PDE9A: variants seen among roughly 807,000 people sequenced by gnomAD.
PDE9A encodes high affinity cGMP-specific 3',5'-cyclic phosphodiesterase 9A.
In PDE9A, 60 loss-of-function variants were observed where a neutral mutation model predicts 87.4. The ratio of observed to expected loss-of-function variants is 0.69; its 90% confidence interval spans 0.56 to 0.85. PDE9A has a LOEUF of 0.85. Ranked by LOEUF, PDE9A falls within the 40% of genes least tolerant of loss-of-function variation. The probability of loss-of-function intolerance (pLI) is 0.00; values close to 1 mark genes in which losing one functional copy is unlikely to be tolerated. For synonymous variants in PDE9A, 272 were observed against 279.4 expected, an observed-to-expected ratio of 0.97 and a Z score of 0.27; for missense variants, 665 against 779.0, an observed-to-expected ratio of 0.85 and a Z score of 1.74.
chr21:42,765,605 A>G lies in PDE9A; in HGVS notation c.1356+111A>G, dbSNP rs1367901948. ...AAGCTGAAATTATTAGTCTTCTTGG[A>G]ACAAGGTGTCTATAAATCTGGTTTT... On this transcript the variant is annotated intron_variant, in intron 15 of 19. Coordinates refer to ENST00000291539, the MANE Select transcript of PDE9A (RefSeq NM_002606.3). 3 of 721,924 alleles carry G rather than the reference A, an allele frequency of 4.2e-6. No individual in the cohort carries two copies. In the South Asian group the frequency reaches 4.5e-5, roughly 11 times the overall value. 44.7% of individuals were successfully genotyped at this position (721,924 alleles called of 1,614,324 possible). A position where few individuals can be genotyped will look rare whatever the true frequency, so the allele number is the denominator to read the frequency against.
At chr21:42,669,183 G>C (rs988556375) in intron 1 of PDE9A, among the ~76,000 whole-genome samples, 14 of 152,156 alleles carry the variant, frequency 9.2e-5, no homozygotes, top group African/African-American at 3.1e-4. Flanking sequence ...CTGGAGGATG[G>C]AGTCCAAAAT....
At position 42,675,858 on chromosome 21, in the gene PDE9A, C is replaced by G. The variant is rs1406130516; in HGVS notation, c.70-10334C>G. Among the ~76,000 whole-genome samples the G allele has an allele frequency of 6.6e-6, 1 of 152,170 alleles. No individual in the cohort carries two copies. Among genetic ancestry groups the G allele is most frequent in the Non-Finnish European group, 1.5e-5 (1 of 68,030 alleles). On this transcript the variant is annotated intron_variant, in intron 1 of 19. Coordinates refer to ENST00000291539, the MANE Select transcript of PDE9A (RefSeq NM_002606.3). This position sits in a 1 kb window ranked among gnomAD's most constrained non-coding sequence, Gnocchi z 4.3. ...TTGCTGATGTCGTTTAGATATTTGT[C>G]CCCGCCAAATCTCATGTTGAATTGG...
intron 4 of PDE9A, among the ~76,000 whole-genome samples, chr21:42,718,484 C>T (rs746312854): frequency 2.0e-5 from 3 of 151,366 alleles, no homozygotes; most frequent in Non-Finnish European, 2.9e-5. Context: ...TTTTCTTTGC[C>T]CTTCAAATTG....
intron 4 of PDE9A, among the ~76,000 whole-genome samples, chr21:42,720,163 A>T (rs763106498): frequency 6.6e-6 from 1 of 152,152 alleles, no homozygotes; most frequent in Non-Finnish European, 1.5e-5. Context: ...CCCCAGCGGC[A>T]TCCGTTCGGT....
chr21:42,699,227 G>A (rs904274018), intron 4 of PDE9A, among the ~76,000 whole-genome samples: 3 of 152,212 alleles, frequency 2.0e-5, no homozygotes, highest in Admixed American at 1.3e-4. Flanking sequence ...ACTACTGTAA[G>A]GGCTCTGCCT....
intron 3 of PDE9A, among the ~76,000 whole-genome samples, chr21:42,693,310 T>C (rs2059960440): frequency 6.6e-6 from 1 of 151,706 alleles, no homozygotes; most frequent in African/African-American, 2.4e-5. Flanking sequence ...TTTTTTTTTT[T>C]TTTTTTGAGA....
At chr21:42,744,357 G>A (rs7280880) in intron 8 of PDE9A, among the ~76,000 whole-genome samples, 136,186 of 151,560 alleles carry the variant, frequency 0.9, 61,554 homozygotes, top group East Asian at 0.95. Context: ...TCTGTCTCAA[G>A]AAAAAAAGAG....
At chr21:42,679,748 G>A (rs1275517521) in intron 1 of PDE9A, among the ~76,000 whole-genome samples, 4 of 151,870 alleles carry the variant, frequency 2.6e-5, no homozygotes, top group Non-Finnish European at 5.9e-5. Context: ...TCTGGACCCG[G>A]AAAGGAAACG....
At chr21:42,756,082 G>A (rs1385529039) in intron 10 of PDE9A, among the ~76,000 whole-genome samples, 1 of 152,228 alleles carries the variant, frequency 6.6e-6, no homozygotes, top group Non-Finnish European at 1.5e-5. Context: ...GGTGGGCAAG[G>A]CAGACAGCTC....
intron 3 of PDE9A, among the ~76,000 whole-genome samples, chr21:42,693,033 G>A (rs1266402787): frequency 6.6e-6 from 1 of 152,234 alleles, no homozygotes; most frequent in Non-Finnish European, 1.5e-5. Context: ...GCGTGGAAAA[G>A]GGGCCGTGGG....
chr21:42,688,388 C>T (rs1389475717), intron 3 of PDE9A, among the ~76,000 whole-genome samples: 1 of 152,140 alleles, frequency 6.6e-6, no homozygotes, highest in African/African-American at 2.4e-5. Flanking sequence ...CACTTAGGGC[C>T]GGTCTCTGTG....
At position 42,762,323 on chromosome 21, in the gene PDE9A, C is replaced by G. The variant is rs1001646961; in HGVS notation, c.1242+84C>G. On this transcript the variant is annotated intron_variant, in intron 14 of 19. Transcript: ENST00000291539. ...CCCACTCTCCATTGGCTGGAAGCTC[C>G]CAGAAGCTCCTGGCCACAGCAGTGC... 18 of 1,432,014 alleles carry G rather than the reference C, an allele frequency of 1.3e-5. No individual in the cohort carries two copies. The South Asian group carries it at 2.1e-4, about 16-fold the overall frequency. 88.7% of individuals were successfully genotyped at this position (1,432,014 alleles called of 1,614,324 possible).
At chr21:42,755,566 T>G (rs2054943131) in intron 10 of PDE9A, among the ~76,000 whole-genome samples, 1 of 152,076 alleles carries the variant, frequency 6.6e-6, no homozygotes, top group Non-Finnish European at 1.5e-5. Flanking sequence ...AGAATGACTG[T>G]CTAGGTCAAC....
intron 4 of PDE9A, among the ~76,000 whole-genome samples, chr21:42,730,718 A>T (rs189060041): frequency 1.5e-3 from 223 of 152,310 alleles, no homozygotes; most frequent in African/African-American, 2.5e-3. Flanking sequence ...TTCCAGATAT[A>T]TGTCTGATGA....
chr21:42,682,065 T>A (rs2059194449), intron 1 of PDE9A, among the ~76,000 whole-genome samples: 1 of 152,226 alleles, frequency 6.6e-6, no homozygotes, highest in African/African-American at 2.4e-5. Flanking sequence ...TCACGCCTCA[T>A]GCCCAAACTC....
chr21:42,686,306 T>G, intron 2 of PDE9A, 44 bp downstream of exon 2: 2 of 1,535,650 alleles, frequency 1.3e-6, no homozygotes, highest in Non-Finnish European at 9.0e-7. Context: ...CCACGCGGCC[T>G]CCTCGCCTTT....
intron 4 of PDE9A, among the ~76,000 whole-genome samples, chr21:42,715,318 T>C (rs1214891308): frequency 6.6e-6 from 1 of 151,464 alleles, no homozygotes; most frequent in Non-Finnish European, 1.5e-5. Flanking sequence ...ACCGTCAACG[T>C]CCTGCATCAG....
At chr21:42,775,217 G>A in intron 19 of PDE9A, 63 bp from the exon 20 acceptor site, 1 of 1,554,776 alleles carries the variant, frequency 6.4e-7, no homozygotes, top group Non-Finnish European at 8.9e-7. Context: ...TGGGATTAAA[G>A]GTGTGAGCCA....
chr21:42,738,981 G>A (rs1189227302), intron 7 of PDE9A, among the ~76,000 whole-genome samples: 1 of 152,250 alleles, frequency 6.6e-6, no homozygotes, highest in East Asian at 1.9e-4. Context: ...ATGAGCCACT[G>A]CGCCCGGCCT....
Sources: allele counts gnomAD v4.1 joint callset (sites outside exome capture counted in the v4.1 genomes callset), GRCh38; gene constraint gnomAD v4.1.1; non-coding constraint Gnocchi (gnomAD v3.1); transcripts MANE v1.5; gene names NCBI Gene and HGNC (gene_info 2026-07-23, HGNC 2026-07-21).